Variants in MAN1C1 observed in about 807,000 individuals in gnomAD.
The protein encoded by MAN1C1 is mannosidase alpha class 1C member 1.
Under a neutral mutation model 71.5 loss-of-function variants are expected in MAN1C1, and 49 were observed. The ratio of observed to expected loss-of-function variants is 0.69; its 90% confidence interval spans 0.54 to 0.87. The LOEUF (loss-of-function observed/expected upper bound fraction) is 0.87. Among genes scored for constraint, MAN1C1 ranks in the 40% least tolerant of loss-of-function variants. The pLI, the probability that MAN1C1 is intolerant of heterozygous loss-of-function variation, is 0.00. For missense variants in MAN1C1, 743 were observed against 835.0 expected (o/e 0.89, Z 1.36); for synonymous variants, 352 against 343.7 (o/e 1.02, Z -0.27).
At chr1:25,632,337 GT>G (rs1372007489) in intron 1 of MAN1C1, among the ~76,000 whole-genome samples, 1 of 152,134 alleles carries the variant, frequency 6.6e-6, no homozygotes, top group Non-Finnish European at 1.5e-5. Context: ...TATTTCTGTG[GT>G]GTTGGTTGTA....
At chr1:25,681,398 G>C (rs2124164113) in intron 1 of MAN1C1, among the ~76,000 whole-genome samples, 1 of 152,284 alleles carries the variant, frequency 6.6e-6, no homozygotes, top group South Asian at 2.1e-4. Context: ...GCTCTTTAGA[G>C]ACTCGGTGCC....
Position 25,617,639 on chromosome 1 carries a change from C to A in MAN1C1, c.-159C>A. The A allele has an allele frequency of 1.7e-6, 1 of 594,398 alleles. No individual in the cohort carries two copies. The highest frequency in any genetic ancestry group is 2.8e-6 in the Non-Finnish European group (1 of 357,724). The allele number at this position is 594,398 out of a possible 1,614,324, so 36.8% of individuals were successfully genotyped here. On this transcript the variant is annotated 5_prime_UTR_variant, in exon 1 of 12. Coordinates refer to ENST00000374332, the MANE Select transcript of MAN1C1 (RefSeq NM_020379.4). This position sits in a 1 kb window ranked among gnomAD's most constrained non-coding sequence, Gnocchi z 5.1. Reference sequence around the variant, plus strand: ...GAGGACTCGCTCCAAACTCCCTGAACTTCGGGGACAGTCCCCCGAAGCGGC... The same window carrying A: ...GAGGACTCGCTCCAAACTCCCTGAAATTCGGGGACAGTCCCCCGAAGCGGC...
chr1:25,738,526 G>C (rs959262896), intron 2 of MAN1C1, among the ~76,000 whole-genome samples: 1 of 152,232 alleles, frequency 6.6e-6, no homozygotes, highest in Non-Finnish European at 1.5e-5. Flanking sequence ...TATGCTCACA[G>C]ATTGAGTGGG....
At chr1:25,675,428 A>G (rs1166094448) in intron 1 of MAN1C1, among the ~76,000 whole-genome samples, 1 of 152,154 alleles carries the variant, frequency 6.6e-6, no homozygotes, top group African/African-American at 2.4e-5. Context: ...ATTCCTTTCT[A>G]TGGCTGAGTA....
At chr1:25,744,945 G>C (rs1170038075) in intron 2 of MAN1C1, among the ~76,000 whole-genome samples, 1 of 152,170 alleles carries the variant, frequency 6.6e-6, no homozygotes, top group Non-Finnish European at 1.5e-5. Context: ...CTCCTCTTAG[G>C]GTTACACTCT....
Position 25,746,029 on chromosome 1 carries a change from T to TG in MAN1C1, c.638-637dup, listed in dbSNP as rs777579835. Reference sequence around the variant, plus strand: ...TTTTTGTATGCCAGGCTGGATGAGGTGGCTCACGGCTCACGCCTGTAATCC... The same window carrying TG: ...TTTTTGTATGCCAGGCTGGATGAGGTGGGCTCACGGCTCACGCCTGTAATCC... On this transcript the variant is annotated intron_variant, in intron 2 of 11. Coordinates refer to ENST00000374332, the MANE Select transcript of MAN1C1 (RefSeq NM_020379.4). The surrounding 1 kb of genome is among the most constrained non-coding windows in gnomAD (Gnocchi z 4.0). Among the ~76,000 whole-genome samples, 3 of 150,192 alleles carry TG rather than the reference T, an allele frequency of 2.0e-5. No individual in the cohort carries two copies. Among genetic ancestry groups the TG allele is most frequent in the Non-Finnish European group, 3.0e-5 (2 of 67,642 alleles).
At chr1:25,712,962 C>T (rs904333193) in intron 2 of MAN1C1, among the ~76,000 whole-genome samples, 9 of 152,212 alleles carry the variant, frequency 5.9e-5, no homozygotes, top group Non-Finnish European at 1.2e-4. Flanking sequence ...TGGGATTAAA[C>T]TCCCCACTGC....
intron 1 of MAN1C1, among the ~76,000 whole-genome samples, chr1:25,644,091 G>A (rs970553445): frequency 6.6e-6 from 1 of 152,150 alleles, no homozygotes; most frequent in African/African-American, 2.4e-5. Context: ...GGTCTTACGG[G>A]TGCACCATGG....
chr1:25,780,472 G>A (rs71638394), intron 9 of MAN1C1, among the ~76,000 whole-genome samples: 1 of 152,158 alleles, frequency 6.6e-6, no homozygotes, highest in Non-Finnish European at 1.5e-5. Flanking sequence ...GGGTCCCAAG[G>A]AGAAGCCTCA....
rs953065203 is a variant in MAN1C1 at position 25,690,586 on chromosome 1, C to T, written c.637+4050C>T. Among the ~76,000 whole-genome samples, 7 of 152,342 alleles carry T rather than the reference C, an allele frequency of 4.6e-5. 1 individual carries two copies. The East Asian group carries it at 9.6e-4, about 21-fold the overall frequency. On this transcript the variant is annotated intron_variant, in intron 2 of 11. Coordinates refer to ENST00000374332, the MANE Select transcript of MAN1C1 (RefSeq NM_020379.4). ...GATTACAGGCATGAGCCACTGCGCCCGGCGCATATCTGCCATTTTCTCCTC... is the reference window on the plus strand; with the variant it reads ...GATTACAGGCATGAGCCACTGCGCCTGGCGCATATCTGCCATTTTCTCCTC...
intron 1 of MAN1C1, among the ~76,000 whole-genome samples, chr1:25,647,853 CT>C (rs946291999): frequency 1.3e-5 from 2 of 152,134 alleles, no homozygotes; most frequent in Non-Finnish European, 2.9e-5. Flanking sequence ...GCTCTCTTGG[CT>C]GCTGGCTAAT....
intron 1 of MAN1C1, among the ~76,000 whole-genome samples, chr1:25,660,732 C>T (rs181535495): frequency 6.6e-6 from 1 of 152,034 alleles, no homozygotes; most frequent in East Asian, 1.9e-4. Flanking sequence ...ACTCTATCAC[C>T]CAGGCTGGAG....
intron 4 of MAN1C1, among the ~76,000 whole-genome samples, chr1:25,751,953 C>T (rs1452884686): frequency 6.6e-6 from 1 of 152,084 alleles, no homozygotes; most frequent in Non-Finnish European, 1.5e-5. Context: ...GCAGTGGGTG[C>T]CTGTTGGGTG....
chr1:25,754,399 C>T (rs1018308747), intron 5 of MAN1C1, among the ~76,000 whole-genome samples: 4 of 152,176 alleles, frequency 2.6e-5, no homozygotes, highest in African/African-American at 9.7e-5. Context: ...TTCGTGTTGG[C>T]CTCAAGGGCT....
rs759793204 is a variant in MAN1C1 at position 25,781,058 on chromosome 1, G to A, written c.1596G>A (p.Leu532=). The A allele has an allele frequency of 6.2e-7, 1 of 1,614,140 alleles. No individual in the cohort carries two copies. Among genetic ancestry groups the A allele is most frequent in the Non-Finnish European group, 8.5e-7 (1 of 1,180,018 alleles). The change falls in exon 10 of 12, where the codon CTG becomes CTA. Residue 532 remains leucine (L), a synonymous_variant. Coordinates refer to ENST00000374332, the MANE Select transcript of MAN1C1 (RefSeq NM_020379.4). The part of the protein sequence containing the change: ...RPEVVESYMY[L]WRQTHNPIYR... ...AGGTGGTGGAGAGCTACATGTACCT[G>A]TGGCGACAGACCCACAACCCCATCT...
intron 1 of MAN1C1, among the ~76,000 whole-genome samples, chr1:25,650,645 G>A (rs2045678655): frequency 6.6e-6 from 1 of 152,158 alleles, no homozygotes; most frequent in Non-Finnish European, 1.5e-5. Context: ...TTCTCTTTGG[G>A]ATAATAGAGA....
intron 7 of MAN1C1, among the ~76,000 whole-genome samples, chr1:25,768,489 A>C (rs1319701754): frequency 8.4e-5 from 4 of 47,732 alleles, no homozygotes; most frequent in African/African-American, 1.6e-4. Flanking sequence ...ACACTCCCCC[A>C]CACAGACCCA....
intron 1 of MAN1C1, among the ~76,000 whole-genome samples, chr1:25,656,857 GCT>G (rs2045775069): frequency 1.4e-5 from 2 of 146,996 alleles, no homozygotes; most frequent in African/African-American, 5.0e-5. Flanking sequence ...ATGGAATCTT[GCT>G]CTGTCACCCA....
intron 2 of MAN1C1, among the ~76,000 whole-genome samples, chr1:25,740,625 A>AT (rs2047049616): frequency 6.6e-6 from 1 of 151,808 alleles, no homozygotes; most frequent in Non-Finnish European, 1.5e-5. Flanking sequence ...TTTAGTAGAG[A>AT]CGGGGTTTCA....
Sources: gnomAD v4.1 joint callset for allele counts (sites outside exome capture counted in the v4.1 genomes callset) on GRCh38, gnomAD v4.1.1 for gene constraint, Gnocchi (gnomAD v3.1) non-coding constraint, MANE v1.5 for transcripts, NCBI Gene and HGNC (gene_info 2026-07-23, HGNC 2026-07-21) for gene names.